PARD3: variants seen among roughly 807,000 people sequenced by gnomAD.
PARD3 encodes partitioning defective 3 homolog.
Under a neutral mutation model 155.4 loss-of-function variants are expected in PARD3, and 75 were observed. That is an observed-to-expected ratio of 0.48 (90% confidence interval 0.40 to 0.58). PARD3 has a LOEUF of 0.58. Among genes scored for constraint, PARD3 ranks in the 20% least tolerant of loss-of-function variants. PARD3 has a pLI of 0.00. For missense variants in PARD3, 1,642 were observed against 1,721.7 expected, an observed-to-expected ratio of 0.95 and a Z score of 0.82; for synonymous variants, 576 against 610.5, an observed-to-expected ratio of 0.94 and a Z score of 0.83.
At chr10:34,753,987 G>A (rs555603932) in intron 1 of PARD3, among the ~76,000 whole-genome samples, 1 of 152,008 alleles carries the variant, frequency 6.6e-6, no homozygotes, top group Admixed American at 6.5e-5. Context: ...AGTCATCGTA[G>A]ATCAGACAAC....
At chr10:34,727,814 C>CACACA (rs1564552664) in intron 1 of PARD3, among the ~76,000 whole-genome samples, 1 of 142,602 alleles carries the variant, frequency 7.0e-6, no homozygotes, top group African/African-American at 2.6e-5. Context: ...CCTCCCTCCA[C>CACACA]CACACACACA....
At chr10:34,140,845 T>C (rs919959497) in intron 22 of PARD3, among the ~76,000 whole-genome samples, 2 of 152,242 alleles carry the variant, frequency 1.3e-5, no homozygotes, top group Non-Finnish European at 2.9e-5. Context: ...ACATTAATTA[T>C]GCATGCAAAG....
chr10:34,598,821 A>G lies in PARD3; in HGVS notation c.223-81662T>C, dbSNP rs775989381. ...TAGACCTGCAGTTACAGATCTGAAC[A>G]CTCAGATTCGGCATATCTTGGCAAA... On this transcript the variant is annotated intron_variant, in intron 2 of 24. Coordinates refer to ENST00000374788, the MANE Select transcript of PARD3 (RefSeq NM_001184785.2). Among the ~76,000 whole-genome samples the G allele has an allele frequency of 3.9e-5, 6 of 152,166 alleles. No individual in the cohort carries two copies. In the East Asian group the frequency reaches 7.7e-4, roughly 20 times the overall value.
chr10:34,653,811 AAT>A (rs1491041843), intron 2 of PARD3, among the ~76,000 whole-genome samples: 4 of 151,564 alleles, frequency 2.6e-5, no homozygotes, highest in Non-Finnish European at 5.9e-5. Context: ...AAAAAAAAAA[AAT>A]GTATATGAAG....
chr10:34,133,480 G>T (rs954934197), intron 22 of PARD3, among the ~76,000 whole-genome samples: 6 of 152,294 alleles, frequency 3.9e-5, no homozygotes, highest in Middle Eastern at 6.8e-3. Context: ...GACTTCTTGA[G>T]GACAAGAACC....
At chr10:34,469,268 A>G (rs1367090745) in intron 4 of PARD3, among the ~76,000 whole-genome samples, 1 of 152,124 alleles carries the variant, frequency 6.6e-6, no homozygotes, top group Non-Finnish European at 1.5e-5. Context: ...ATGCCAGCAC[A>G]CCTGGCTAAT....
At chr10:34,229,836 G>T (rs1223793941) in intron 22 of PARD3, among the ~76,000 whole-genome samples, 1 of 152,068 alleles carries the variant, frequency 6.6e-6, no homozygotes, top group East Asian at 1.9e-4. Context: ...TGAGTGAAGT[G>T]CTGATGCAAC....
chr10:34,670,322 G>A (rs1011536839), intron 2 of PARD3, among the ~76,000 whole-genome samples: 16 of 152,228 alleles, frequency 1.1e-4, no homozygotes, highest in African/African-American at 2.4e-4. Context: ...TCGCCAGGCC[G>A]CCGCTGGCTC....
At chr10:34,284,951 T>C (rs903608209) in intron 20 of PARD3, among the ~76,000 whole-genome samples, 15 of 152,198 alleles carry the variant, frequency 9.9e-5, no homozygotes, top group African/African-American at 3.6e-4. Context: ...TTTCTGCAGA[T>C]GGGTGCTGAG....
chr10:34,547,197 A>C (rs2035943768), intron 2 of PARD3, among the ~76,000 whole-genome samples: 1 of 152,242 alleles, frequency 6.6e-6, no homozygotes, highest in South Asian at 2.1e-4. Flanking sequence ...GGTCAATTCA[A>C]TGAACATTAG....
At chr10:34,423,370 G>C (rs73259263) in intron 5 of PARD3, among the ~76,000 whole-genome samples, 17,249 of 151,988 alleles carry the variant, frequency 0.11, 3,022 homozygotes, top group African/African-American at 0.38. Flanking sequence ...TCCATTAGGA[G>C]GAAAAAGTTC....
At chr10:34,771,250 C>T (rs1838820848) in intron 1 of PARD3, among the ~76,000 whole-genome samples, 1 of 152,222 alleles carries the variant, frequency 6.6e-6, no homozygotes, top group African/African-American at 2.4e-5. Flanking sequence ...ACAATGGTTA[C>T]ATCAGGAAGA....
At chr10:34,133,713 A>C (rs1400704420) in intron 22 of PARD3, among the ~76,000 whole-genome samples, 1 of 152,246 alleles carries the variant, frequency 6.6e-6, no homozygotes, top group Non-Finnish European at 1.5e-5. Flanking sequence ...TCAAACGGAC[A>C]TAAGTCTACA....
At chr10:34,610,820 T>C (rs1379970600) in intron 2 of PARD3, among the ~76,000 whole-genome samples, 6 of 152,102 alleles carry the variant, frequency 3.9e-5, no homozygotes, top group African/African-American at 1.2e-4. Context: ...ATAGAACAAT[T>C]AGAAGTACCC....
chr10:34,804,721 T>A (rs1843156440), intron 1 of PARD3, among the ~76,000 whole-genome samples: 3 of 152,228 alleles, frequency 2.0e-5, no homozygotes, highest in Admixed American at 1.3e-4. Flanking sequence ...TTTTTAATTT[T>A]GGACTTAACA....
chr10:34,683,306 G>A (rs184811976), intron 2 of PARD3, among the ~76,000 whole-genome samples: 3 of 152,132 alleles, frequency 2.0e-5, no homozygotes, highest in Admixed American at 6.6e-5. Flanking sequence ...CAGTTTAGGT[G>A]ATGAGTTCAC....
intron 3 of PARD3, among the ~76,000 whole-genome samples, chr10:34,499,287 G>A (rs1318069294): frequency 6.6e-6 from 1 of 152,120 alleles, no homozygotes; most frequent in Non-Finnish European, 1.5e-5. Context: ...TGTGAAGATG[G>A]ATGATAAATT....
Position 34,131,495 on chromosome 10 carries a change from G to A in PARD3, c.3508C>T (p.Arg1170Cys), listed in dbSNP as rs149035058. 193 of 1,614,052 alleles carry A rather than the reference G, an allele frequency of 1.2e-4. No individual in the cohort carries two copies. In the African/African-American group the frequency reaches 2.0e-3, roughly 16 times the overall value. The change falls in exon 23 of 25, where the codon CGT (arginine) becomes TGT (cysteine). Residue 1170 changes from arginine (R) to cysteine (C), a missense_variant. By Grantham distance (180) the Arg-to-Cys change is radical. Transcript: ENST00000374788. ...TGCTCAAAACTATAGGTCCGCCGAC[G>A]ATCTTCTACATCTTCATCTTGCTTT... ...QAKQDEDVED[R>C]RRTYSFEQPW... is the part of the protein sequence containing the mutation.
chr10:34,549,737 T>TTTG (rs2084384439), intron 2 of PARD3, among the ~76,000 whole-genome samples: 1 of 152,174 alleles, frequency 6.6e-6, no homozygotes, highest in African/African-American at 2.4e-5. Flanking sequence ...CAAACAGGAA[T>TTTG]AAATTTCATT....
Sources: gnomAD v4.1 joint callset for allele counts (sites outside exome capture counted in the v4.1 genomes callset) on GRCh38, gnomAD v4.1.1 for gene constraint, MANE v1.5 for transcripts, NCBI Gene and HGNC (gene_info 2026-07-23, HGNC 2026-07-21) for gene names.